The following FARP2 variants were observed in gnomAD, a reference collection of about 807,000 sequenced individuals.
FARP2 encodes the protein FERM, ARH/RhoGEF and pleckstrin domain protein 2.
A neutral mutation model predicts 130.5 loss-of-function variants in FARP2; 111 were observed. The ratio of observed to expected loss-of-function variants is 0.85; its 90% confidence interval spans 0.73 to 1.00. The LOEUF is 1.00. FARP2 is among the 50% of genes least tolerant of loss of function. The probability of loss-of-function intolerance (pLI) is 0.00; values close to 1 mark genes in which losing one functional copy is unlikely to be tolerated. For synonymous variants in FARP2, 504 were observed against 516.9 expected (o/e 0.98, Z 0.34); for missense variants, 1,385 against 1,346.3 (o/e 1.03, Z -0.45).
intron 16 of FARP2, 113 bp from the exon 17 acceptor site, chr2:241,463,786 G>C: frequency 1.1e-6 from 1 of 951,446 alleles, no homozygotes; most frequent in East Asian, 2.6e-5. Context: ...CCACCTCAGA[G>C]CTTCACCACC....
intron 2 of FARP2, among the ~76,000 whole-genome samples, chr2:241,385,944 T>A (rs1459309979): frequency 6.6e-6 from 1 of 152,206 alleles, no homozygotes; most frequent in East Asian, 1.9e-4. Context: ...TTATATGTAT[T>A]TCTCTCTTTA....
At chr2:241,380,623 A>C (rs1208014954) in intron 2 of FARP2, among the ~76,000 whole-genome samples, 1 of 151,842 alleles carries the variant, frequency 6.6e-6, no homozygotes, top group African/African-American at 2.4e-5. Flanking sequence ...TTTGAACATC[A>C]TGTTGGCACT....
chr2:241,462,415 A>G (rs894013596), intron 14 of FARP2, 108 bp from the exon 15 acceptor site: 1 of 712,508 alleles, frequency 1.4e-6, no homozygotes, highest in Non-Finnish European at 2.5e-6. Context: ...CCCCATGACG[A>G]TGTTACCTTG....
At chr2:241,458,169 A>G (rs1260407043) in intron 14 of FARP2, among the ~76,000 whole-genome samples, 1 of 152,104 alleles carries the variant, frequency 6.6e-6, no homozygotes, top group Non-Finnish European at 1.5e-5. Context: ...ACCCTAAAAG[A>G]AAAGACTCAG....
intron 13 of FARP2, chr2:241,456,507 G>A: frequency 2.1e-6 from 1 of 486,722 alleles, no homozygotes; most frequent in South Asian, 2.8e-5. Context: ...GTCCGGGGAG[G>A]ATCCACACTG....
intron 1 of FARP2, among the ~76,000 whole-genome samples, chr2:241,364,869 C>G (rs2061269400): frequency 6.6e-6 from 1 of 152,136 alleles, no homozygotes; most frequent in Non-Finnish European, 1.5e-5. Context: ...TAGTAATGAA[C>G]TGTAGAAATA....
At chr2:241,489,831 G>C in intron 21 of FARP2, 131 bp from the exon 22 acceptor site, 1 of 635,398 alleles carries the variant, frequency 1.6e-6, no homozygotes, top group Non-Finnish European at 2.9e-6. Context: ...TGTAGAGTCT[G>C]TGTGCACTTG....
rs1297730801 is a variant in FARP2 at position 241,483,491 on chromosome 2, C to T, written c.2289C>T (p.His763=). 6.2e-7 allele frequency: 1 copy of T among 1,614,236 alleles called. No homozygotes were observed. Among genetic ancestry groups the T allele is most frequent in the Non-Finnish European group, 8.5e-7 (1 of 1,180,014 alleles). The change falls in exon 20 of 27, where the codon CAC becomes CAT. Residue 763 remains histidine (H), a synonymous_variant. Coordinates refer to ENST00000264042, the MANE Select transcript of FARP2 (RefSeq NM_014808.4). The stretch of plus-strand genomic sequence containing the variant: ...AGTTCATCCGTGAGGGCTGCCTTCA[C>T]AAGCTCACCAAGAAGGGCCTGCAGC... ...GREFIREGCL[H]KLTKKGLQQR... is the part of the protein sequence containing the mutation.
chr2:241,468,334 C>T lies in FARP2; in HGVS notation c.2088C>T (p.Cys696=), dbSNP rs763723306. 3.5e-5 allele frequency: 56 copies of T among 1,613,438 alleles called. No homozygotes were observed. Among genetic ancestry groups the T allele is most frequent in the Non-Finnish European group, 4.5e-5 (53 of 1,179,978 alleles). The change falls in exon 18 of 27, where the codon TGC becomes TGT. Residue 696 remains cysteine (C), a synonymous_variant. Coordinates refer to ENST00000264042, the MANE Select transcript of FARP2 (RefSeq NM_014808.4). The part of the protein sequence containing the change: ...LHYRLLLRRL[C]GHYSPGHHDY... ...ACCGCCTGCTGCTGCGCCGCCTATG[C>T]GGACATTACAGCCCCGGGCACCATG... is the stretch of plus-strand genomic sequence containing the variant.
chr2:241,420,364 T>C (rs2062775852), intron 8 of FARP2, among the ~76,000 whole-genome samples: 1 of 152,158 alleles, frequency 6.6e-6, no homozygotes, highest in Admixed American at 6.5e-5. Flanking sequence ...GTGCACTATA[T>C]TCCACACTAT....
chr2:241,468,852 C>T (rs959784645), intron 18 of FARP2, among the ~76,000 whole-genome samples: 8 of 152,238 alleles, frequency 5.3e-5, no homozygotes, highest in Admixed American at 5.2e-4. Context: ...TTAACATAGG[C>T]AGCCTTTGTA....
chr2:241,461,893 G>T (rs1410876596), intron 14 of FARP2, among the ~76,000 whole-genome samples: 1 of 152,228 alleles, frequency 6.6e-6, no homozygotes, highest in African/African-American at 2.4e-5. Flanking sequence ...CCCAGTGCCT[G>T]CCAAGGCCAT....
chr2:241,391,082 G>A (rs906547456), intron 2 of FARP2, among the ~76,000 whole-genome samples: 11 of 152,300 alleles, frequency 7.2e-5, no homozygotes, highest in Middle Eastern at 3.4e-3. Flanking sequence ...TCACAAGTAC[G>A]CACAAGTAAG....
At chr2:241,485,078 A>G (rs1401823749) in intron 21 of FARP2, among the ~76,000 whole-genome samples, 2 of 152,082 alleles carry the variant, frequency 1.3e-5, no homozygotes, top group African/African-American at 4.8e-5. Flanking sequence ...CTACAGTGCT[A>G]CAGTGGTCCT....
chr2:241,482,296 C>A lies in FARP2; in HGVS notation c.2263-1169C>A, dbSNP rs982556562. Among the ~76,000 whole-genome samples the A allele has an allele frequency of 1.2e-4, 19 of 152,132 alleles. No homozygotes were observed. Among genetic ancestry groups the A allele is most frequent in the African/African-American group, 3.9e-4 (16 of 41,428 alleles). ...GCCAGTGCATGGTGGAGAAGGCGCC[C>A]CGTGGGTCTGGGACGCACATCCTGT... On this transcript the variant is annotated intron_variant, in intron 19 of 26. Transcript: ENST00000264042. The surrounding 1 kb of genome is among the most constrained non-coding windows in gnomAD (Gnocchi z 4.6).
At chr2:241,410,753 A>G (rs987857722) in intron 5 of FARP2, among the ~76,000 whole-genome samples, 1 of 152,134 alleles carries the variant, frequency 6.6e-6, no homozygotes, top group African/African-American at 2.4e-5. Flanking sequence ...TATTGTTCAC[A>G]TCAGAGTGCC....
intron 2 of FARP2, among the ~76,000 whole-genome samples, chr2:241,375,408 C>CT (rs796842402): frequency 0.022 from 3,271 of 148,368 alleles, 108 homozygotes; most frequent in African/African-American, 0.069. Context: ...TTTAGAGTGT[C>CT]TTTTTTTTTT....
chr2:241,379,689 C>T (rs1197284340), intron 2 of FARP2, among the ~76,000 whole-genome samples: 2 of 152,162 alleles, frequency 1.3e-5, no homozygotes, highest in Non-Finnish European at 2.9e-5. Context: ...TCATTGCTCC[C>T]ACACGAACAT....
chr2:241,453,357 TCA>T (rs1162836516), intron 13 of FARP2, among the ~76,000 whole-genome samples: 29 of 150,766 alleles, frequency 1.9e-4, no homozygotes, highest in African/African-American at 6.8e-4. Context: ...GCGCGGTGGC[TCA>T]TGCCTGTAAT....
Sources: gnomAD v4.1 joint callset for allele counts (sites outside exome capture counted in the v4.1 genomes callset) on GRCh38, gnomAD v4.1.1 for gene constraint, Gnocchi (gnomAD v3.1) non-coding constraint, MANE v1.5 for transcripts, NCBI Gene and HGNC (gene_info 2026-07-23, HGNC 2026-07-21) for gene names.